Variants in HORMAD2 observed in about 807,000 individuals in gnomAD.
The protein encoded by HORMAD2 is HORMA domain-containing protein 2.
In HORMAD2, 45 loss-of-function variants were observed where a neutral mutation model predicts 38.8. The observed-to-expected ratio is 1.16, with a 90% CI of 0.91 to 1.49. The LOEUF (loss-of-function observed/expected upper bound fraction) is 1.49. HORMAD2 is among the 40% of genes most tolerant of loss of function. The pLI is 0.00. For synonymous variants in HORMAD2, 126 were observed against 122.8 expected (o/e 1.03, Z -0.17); for missense variants, 338 against 367.0 (o/e 0.92, Z 0.65).
chr22:30,148,990 T>G (rs915375750), intron 10 of HORMAD2, among the ~76,000 whole-genome samples: 1 of 151,864 alleles, frequency 6.6e-6, no homozygotes, highest in Non-Finnish European at 1.5e-5. Flanking sequence ...AAAAAAAAAA[T>G]TAGACAAAAT....
At chr22:30,123,529 G>A (rs1033795281) in intron 10 of HORMAD2, among the ~76,000 whole-genome samples, 1 of 151,684 alleles carries the variant, frequency 6.6e-6, no homozygotes, top group Non-Finnish European at 1.5e-5. Context: ...AGAGACAAGG[G>A]TCTCACTGTT....
At chr22:30,102,000 T>G (rs1920949981) in intron 3 of HORMAD2, among the ~76,000 whole-genome samples, 2 of 152,026 alleles carry the variant, frequency 1.3e-5, no homozygotes, top group African/African-American at 4.8e-5. Flanking sequence ...CCTGGGGGGT[T>G]AAGGCTACAG....
intron 2 of HORMAD2, among the ~76,000 whole-genome samples, chr22:30,098,325 A>C (rs1307333526): frequency 6.6e-6 from 1 of 152,220 alleles, no homozygotes; most frequent in Non-Finnish European, 1.5e-5. Flanking sequence ...ACAACTGGAA[A>C]AAATAAAAGA....
rs150534716 is a variant in HORMAD2, at chr22:30,170,582, T to A, written c.820-5481T>A. 3.3e-3 allele frequency among the ~76,000 whole-genome samples: 501 copies of A among 152,244 alleles called. 11 individuals carry two copies. Among genetic ancestry groups the A allele is most frequent in the Admixed American group, 0.026 (396 of 15,286 alleles). Reference sequence around the variant, plus strand: ...TAAGAGCTAATCTAATAAAGGGACATTTCCTACCATCTCATATATTTTCCA... The same window carrying A: ...TAAGAGCTAATCTAATAAAGGGACAATTCCTACCATCTCATATATTTTCCA... On this transcript the variant is annotated intron_variant, in intron 10 of 10. Transcript: ENST00000336726.
intron 10 of HORMAD2, among the ~76,000 whole-genome samples, chr22:30,169,161 C>T (rs561070175): frequency 1.5e-4 from 23 of 152,246 alleles, no homozygotes; most frequent in Admixed American, 9.2e-4. Context: ...CTTTTGAAGC[C>T]TTGCCAGGCC....
chr22:30,098,786 T>A, intron 2 of HORMAD2, 66 bp from the exon 3 acceptor site: 1 of 1,332,310 alleles, frequency 7.5e-7, no homozygotes, highest in African/African-American at 1.5e-5. Context: ...ATATATGTGG[T>A]AATGATGTGC....
At chr22:30,098,443 T>C (rs1037328871) in intron 2 of HORMAD2, among the ~76,000 whole-genome samples, 7 of 152,140 alleles carry the variant, frequency 4.6e-5, no homozygotes, top group African/African-American at 1.2e-4. Flanking sequence ...ATAAAGAAGT[T>C]ACATATTATG....
chr22:30,083,012 T>C (rs959510231), intron 1 of HORMAD2, among the ~76,000 whole-genome samples: 5 of 152,260 alleles, frequency 3.3e-5, no homozygotes, highest in South Asian at 2.1e-4. Flanking sequence ...CTCACACTTA[T>C]AATCCCAGCA....
the HORMAD2 span, among the ~76,000 whole-genome samples, chr22:30,186,654 T>G: frequency 6.6e-6 from 1 of 152,076 alleles, no homozygotes; most frequent in Non-Finnish European, 1.5e-5. Context: ...TCACAATTAT[T>G]TGACTGTCTG....
At chr22:30,160,596 T>C (rs1280611826) in intron 10 of HORMAD2, among the ~76,000 whole-genome samples, 2 of 152,204 alleles carry the variant, frequency 1.3e-5, no homozygotes, top group East Asian at 3.9e-4. Flanking sequence ...TGATTGTCTT[T>C]TAGAAGGGGA....
intron 10 of HORMAD2, among the ~76,000 whole-genome samples, chr22:30,162,523 A>G (rs1288591147): frequency 1.3e-5 from 2 of 152,138 alleles, no homozygotes; most frequent in Non-Finnish European, 1.5e-5. Context: ...TTAAAATGAT[A>G]GTTTTTAATA....
intron 7 of HORMAD2, among the ~76,000 whole-genome samples, chr22:30,115,686 A>G (rs543098303): frequency 6.6e-6 from 1 of 152,336 alleles, no homozygotes; most frequent in Non-Finnish European, 1.5e-5. Context: ...ATGAGGTAGG[A>G]TAAACAATAA....
At chr22:30,125,676 A>G (rs1922813973) in intron 10 of HORMAD2, among the ~76,000 whole-genome samples, 2 of 152,304 alleles carry the variant, frequency 1.3e-5, no homozygotes, top group East Asian at 3.9e-4. Context: ...TTTTATTCTA[A>G]AAGTTTTAAT....
intron 10 of HORMAD2, among the ~76,000 whole-genome samples, chr22:30,132,571 C>T (rs1463130295): frequency 2.6e-5 from 4 of 151,530 alleles, no homozygotes; most frequent in African/African-American, 9.7e-5. Flanking sequence ...AAAAACCACA[C>T]ACACACACAT....
chr22:30,205,770 C>T, the HORMAD2 span, among the ~76,000 whole-genome samples: 1 of 152,040 alleles, frequency 6.6e-6, no homozygotes, highest in African/African-American at 2.4e-5. Context: ...GGCGTGAGGA[C>T]CGGAAAAGCC....
chr22:30,104,462 T>C (rs917869743), intron 5 of HORMAD2, 25 bp downstream of exon 5: 3 of 1,571,520 alleles, frequency 1.9e-6, no homozygotes, highest in African/African-American at 1.4e-5. Flanking sequence ...ACACTTACAC[T>C]GGAATCAAAG....
chr22:30,127,022 A>C (rs1185224131), intron 10 of HORMAD2, among the ~76,000 whole-genome samples: 1 of 151,984 alleles, frequency 6.6e-6, no homozygotes, highest in Non-Finnish European at 1.5e-5. Flanking sequence ...TATCTGTTCA[A>C]ATTGTTTGCT....
At chr22:30,205,169 C>G in the HORMAD2 span, among the ~76,000 whole-genome samples, 1 of 152,154 alleles carries the variant, frequency 6.6e-6, no homozygotes, top group East Asian at 1.9e-4. Context: ...ATCCTTAAAA[C>G]AACTCCAGAG....
At chr22:30,108,925 TCTCC>T (rs1395587979) in intron 5 of HORMAD2, among the ~76,000 whole-genome samples, 1 of 151,700 alleles carries the variant, frequency 6.6e-6, no homozygotes, top group Non-Finnish European at 1.5e-5. Flanking sequence ...TCTCTCTTTC[TCTCC>T]CTCCCTCCTT....
Sources: gnomAD v4.1 joint callset for allele counts (sites outside exome capture counted in the v4.1 genomes callset) on GRCh38, gnomAD v4.1.1 for gene constraint, MANE v1.5 for transcripts, NCBI Gene and HGNC (gene_info 2026-07-23, HGNC 2026-07-21) for gene names.